PLCG2: variants seen among roughly 807,000 people sequenced by gnomAD.
PLCG2 encodes the protein 1-phosphatidylinositol 4,5-bisphosphate phosphodiesterase gamma-2.
Under a neutral mutation model 175.6 loss-of-function variants are expected in PLCG2, and 69 were observed. The observed-to-expected ratio is 0.39, with a 90% confidence interval of 0.32 to 0.48. PLCG2 has a LOEUF of 0.48. Ranked by LOEUF, PLCG2 falls within the 20% of genes least tolerant of loss-of-function variation. The pLI, the probability that PLCG2 is intolerant of heterozygous loss-of-function variation, is 0.91. For synonymous variants in PLCG2, 827 were observed against 624.0 expected (o/e 1.33, Z -4.85); for missense variants, 1,798 against 1,650.9 (o/e 1.09, Z -1.54).
chr16:81,932,699 T>C (rs1221299770), intron 25 of PLCG2, among the ~76,000 whole-genome samples: 2 of 152,214 alleles, frequency 1.3e-5, no homozygotes, highest in African/African-American at 4.8e-5. Context: ...CAGGGAAGTG[T>C]CCTCTTTAGG....
chr16:81,796,818 T>A (rs954986376), intron 2 of PLCG2, among the ~76,000 whole-genome samples: 3 of 152,160 alleles, frequency 2.0e-5, no homozygotes, highest in African/African-American at 7.2e-5. Flanking sequence ...ACACTTTGAT[T>A]TTGGACTTCT....
rs142859528 is a variant in PLCG2, at chr16:81,874,178, A to G, written c.648+3243A>G. ...AACTTGAGAGATTATATTATATATT[A>G]AAATCTAGATATTTGGCTTCCCTTA... On this transcript the variant is annotated intron_variant, in intron 7 of 32. Coordinates refer to ENST00000564138, the MANE Select transcript of PLCG2 (RefSeq NM_002661.5). Among the ~76,000 whole-genome samples, 6 of 152,348 alleles carry G rather than the reference A, an allele frequency of 3.9e-5. No individual in the cohort carries two copies. In the East Asian group the frequency reaches 1.2e-3, roughly 29 times the overall value.
intron 5 of PLCG2, among the ~76,000 whole-genome samples, chr16:81,862,946 A>G (rs1223672984): frequency 1.3e-5 from 2 of 152,226 alleles, no homozygotes; most frequent in African/African-American, 4.8e-5. Flanking sequence ...AGCTGGGGGA[A>G]ATGCAGAAAT....
intron 3 of PLCG2, among the ~76,000 whole-genome samples, chr16:81,856,759 C>T (rs910756672): frequency 6.6e-6 from 1 of 152,166 alleles, no homozygotes; most frequent in Non-Finnish European, 1.5e-5. Context: ...ATATTATCCT[C>T]TATGGAAAAG....
At chr16:81,910,998 A>G (rs904038002) in intron 18 of PLCG2, among the ~76,000 whole-genome samples, 1 of 151,326 alleles carries the variant, frequency 6.6e-6, no homozygotes, top group Non-Finnish European at 1.5e-5. Flanking sequence ...TCAGAGGGTC[A>G]TTTTGGCCTG....
chr16:81,918,909 TA>T (rs1181641516), intron 19 of PLCG2, among the ~76,000 whole-genome samples: 12 of 150,762 alleles, frequency 8.0e-5, no homozygotes, highest in African/African-American at 3.0e-4. Flanking sequence ...TTTTTTTTTT[TA>T]AAAAAAGTCA....
At chr16:81,816,668 T>G in intron 2 of PLCG2, among the ~76,000 whole-genome samples, 1 of 141,746 alleles carries the variant, frequency 7.1e-6, no homozygotes, top group Non-Finnish European at 1.5e-5. Flanking sequence ...TTTTTTTTTT[T>G]TTTTTTTTTT....
At chr16:81,934,076 G>A (rs553556864) in intron 25 of PLCG2, among the ~76,000 whole-genome samples, 1 of 152,280 alleles carries the variant, frequency 6.6e-6, no homozygotes, top group Non-Finnish European at 1.5e-5. Flanking sequence ...ACTAGAATTT[G>A]AGACACTCTA....
intron 31 of PLCG2, among the ~76,000 whole-genome samples, chr16:81,953,439 T>C (rs771294899): frequency 2.0e-5 from 3 of 152,150 alleles, no homozygotes; most frequent in Non-Finnish European, 4.4e-5. Context: ...GCTTCCAACA[T>C]AAAACAATTT....
chr16:81,910,588 T>A lies in PLCG2; in HGVS notation c.1802T>A (p.Leu601Ter), dbSNP rs745414766. The A allele has an allele frequency of 6.2e-7, 1 of 1,614,140 alleles. No individual in the cohort carries two copies. The change falls in exon 18 of 33, where the codon TTG becomes TAG. Residue 601 changes from leucine to a stop codon, truncating the protein, a stop_gained. Coordinates refer to ENST00000564138, the MANE Select transcript of PLCG2 (RefSeq NM_002661.5). LOFTEE classifies it high-confidence loss of function. ...GAGGGCGGGACCCTGAAATACTACT[T>A]GACTGACAACCTCACCTTCAGCAGC... is the stretch of plus-strand genomic sequence containing the variant. ...TMEGGTLKYY[L>*]TDNLTFSSIY...
intron 2 of PLCG2, among the ~76,000 whole-genome samples, chr16:81,844,204 A>G (rs1023869238): frequency 2.4e-4 from 33 of 139,656 alleles, no homozygotes; most frequent in Admixed American, 4.7e-4. Context: ...CGTGTTAGCC[A>G]GGATGGTCTC....
At chr16:81,854,702 A>G (rs764340282) in intron 3 of PLCG2, 115 bp downstream of exon 3, 2 of 932,416 alleles carry the variant, frequency 2.1e-6, no homozygotes. Flanking sequence ...ATTTGGGGTC[A>G]TGGTTTTGAA....
intron 2 of PLCG2, among the ~76,000 whole-genome samples, chr16:81,796,142 C>T (rs1036797753): frequency 5.9e-5 from 9 of 152,206 alleles, no homozygotes; most frequent in Non-Finnish European, 1.0e-4. Context: ...AGTGGTGAGC[C>T]ACTGGCACTG....
At chr16:81,776,174 TCTC>T (rs1166123647), upstream of PLCG2, among the ~76,000 whole-genome samples, 4 of 150,172 alleles carry the variant, frequency 2.7e-5, no homozygotes, top group Non-Finnish European at 4.4e-5. Flanking sequence ...AGTGGTACAA[TCTC>T]GGCTCACTGC....
chr16:81,875,877 G>A (rs1907757000), intron 7 of PLCG2, among the ~76,000 whole-genome samples: 2 of 152,204 alleles, frequency 1.3e-5, no homozygotes, highest in Non-Finnish European at 2.9e-5. Context: ...TGGGGGAAGT[G>A]AGTGATGAGC....
In PLCG2 at chr16:81,795,339, G is replaced by T. The variant is rs1911419400; in HGVS notation, c.193+9157G>T. On this transcript the variant is annotated intron_variant, in intron 2 of 32. Transcript: ENST00000564138. ...TCTGTAGAGGTGATGTTTGAGCTGAGACTTGAAGGGTGAGAAGGAGGGAGC... is the reference window on the plus strand; with the variant it reads ...TCTGTAGAGGTGATGTTTGAGCTGATACTTGAAGGGTGAGAAGGAGGGAGC... Among the ~76,000 whole-genome samples the T allele has an allele frequency of 3.3e-5, 5 of 152,336 alleles. No homozygotes were observed. In the South Asian group the frequency reaches 1.0e-3, roughly 32 times the overall value.
At chr16:81,824,983 G>C (rs1174511713) in intron 2 of PLCG2, among the ~76,000 whole-genome samples, 1 of 152,226 alleles carries the variant, frequency 6.6e-6, no homozygotes, top group Non-Finnish European at 1.5e-5. Flanking sequence ...TTCTGGCTTT[G>C]AAGGTGGAGG....
chr16:81,787,698 A>C (rs895428254), intron 2 of PLCG2, among the ~76,000 whole-genome samples: 1 of 152,032 alleles, frequency 6.6e-6, no homozygotes, highest in African/African-American at 2.4e-5. Flanking sequence ...TCACCTCAAG[A>C]TGAAACCCCA....
chr16:81,945,633 AT>A (rs1367240904), intron 30 of PLCG2, among the ~76,000 whole-genome samples: 4 of 152,250 alleles, frequency 2.6e-5, no homozygotes, highest in African/African-American at 9.6e-5. Context: ...AAAAAGAAAC[AT>A]TTAAATGACT....
Sources: gnomAD v4.1 joint callset for allele counts (sites outside exome capture counted in the v4.1 genomes callset) on GRCh38, gnomAD v4.1.1 for gene constraint, MANE v1.5 for transcripts, NCBI Gene and HGNC (gene_info 2026-07-23, HGNC 2026-07-21) for gene names.